The following SEMA3D variants were observed in gnomAD, a reference collection of about 807,000 sequenced individuals.
SEMA3D encodes semaphorin 3D, also known as semaphorin-3D.
Under a neutral mutation model 100.1 loss-of-function variants are expected in SEMA3D, and 84 were observed. The observed-to-expected ratio is 0.84, with a 90% CI of 0.70 to 1.01. The LOEUF is 1.01. Among genes scored for constraint, SEMA3D ranks in the 50% least tolerant of loss-of-function variants. SEMA3D has a pLI of 0.00. For synonymous variants in SEMA3D, 312 were observed against 320.7 expected, an observed-to-expected ratio of 0.97 and a Z score of 0.29; for missense variants, 875 against 934.1, an observed-to-expected ratio of 0.94 and a Z score of 0.82.
intron 1 of SEMA3D, among the ~76,000 whole-genome samples, chr7:85,168,855 AAGAAAG>A (rs1390184949): frequency 6.7e-6 from 1 of 148,574 alleles, no homozygotes; most frequent in Non-Finnish European, 1.5e-5. Context: ...GAAAGAAAGA[AAGAAAG>A]AAAGAAAGAA....
chr7:85,034,754 A>G (rs1457523808), intron 12 of SEMA3D, among the ~76,000 whole-genome samples: 1 of 152,152 alleles, frequency 6.6e-6, no homozygotes, highest in Non-Finnish European at 1.5e-5. Flanking sequence ...AAACAAAACC[A>G]CAATCAGGTA....
At chr7:85,107,797 T>C (rs1016393745) in intron 3 of SEMA3D, among the ~76,000 whole-genome samples, 2 of 152,054 alleles carry the variant, frequency 1.3e-5, no homozygotes, top group Non-Finnish European at 2.9e-5. Context: ...TAAAGCCTTA[T>C]AGATTTTATC....
chr7:85,042,138 C>G (rs1337247749), intron 10 of SEMA3D, 33 bp downstream of exon 10: 45 of 1,381,774 alleles, frequency 3.3e-5, no homozygotes, highest in Non-Finnish European at 4.3e-5. Context: ...GGCAGTAAGG[C>G]CTTTCCAAGA....
the SEMA3D span, among the ~76,000 whole-genome samples, chr7:85,231,399 G>C: frequency 2.3e-3 from 331 of 143,002 alleles, 3 homozygotes; most frequent in Non-Finnish European, 2.8e-3. Context: ...AATCATCATT[G>C]AATTATTCCA....
chr7:85,044,452 ATTTG>A (rs1000069554), intron 9 of SEMA3D, among the ~76,000 whole-genome samples: 2 of 152,128 alleles, frequency 1.3e-5, no homozygotes, highest in Admixed American at 6.6e-5. Context: ...TATTTTCTTT[ATTTG>A]TTCTTTAGGT....
chr7:85,159,996 C>A (rs576647714), intron 1 of SEMA3D: 3 of 981,170 alleles, frequency 3.1e-6, no homozygotes, highest in Admixed American at 6.1e-5. Flanking sequence ...ATATCTACCA[C>A]ATCTCTCCAT....
At chr7:85,167,056 A>G (rs576163790) in intron 1 of SEMA3D, among the ~76,000 whole-genome samples, 1 of 152,104 alleles carries the variant, frequency 6.6e-6, no homozygotes, top group Middle Eastern at 3.4e-3. Context: ...TATTGGCCTT[A>G]GAGAAATATC....
chr7:85,047,765 T>G (rs1225817717), intron 9 of SEMA3D, among the ~76,000 whole-genome samples: 1 of 151,864 alleles, frequency 6.6e-6, no homozygotes, highest in Non-Finnish European at 1.5e-5. Flanking sequence ...AGAAACTGGA[T>G]AATGACAAAG....
chr7:85,092,055 C>A (rs1395641545), intron 4 of SEMA3D, among the ~76,000 whole-genome samples: 1 of 151,972 alleles, frequency 6.6e-6, no homozygotes, highest in Admixed American at 6.6e-5. Flanking sequence ...ATATTTTTCC[C>A]CATTCGAACT....
chr7:85,149,499 A>G (rs1214083229), intron 2 of SEMA3D, among the ~76,000 whole-genome samples: 4 of 152,050 alleles, frequency 2.6e-5, no homozygotes, highest in Admixed American at 2.6e-4. Context: ...ACAAAAACCA[A>G]AAGTAACACT....
intron 3 of SEMA3D, among the ~76,000 whole-genome samples, chr7:85,115,470 C>T (rs573174622): frequency 1.5e-4 from 23 of 152,134 alleles, no homozygotes; most frequent in Non-Finnish European, 3.4e-4. Context: ...GCATTACCCA[C>T]GTTTGTCAAT....
intron 8 of SEMA3D, among the ~76,000 whole-genome samples, chr7:85,059,585 A>G (rs998467320): frequency 6.6e-6 from 1 of 152,214 alleles, no homozygotes; most frequent in Non-Finnish European, 1.5e-5. Context: ...AAAATAACAT[A>G]GTGGTACAAA....
the SEMA3D span, among the ~76,000 whole-genome samples, chr7:85,223,538 TTGTGTG>T: frequency 2.0e-5 from 3 of 148,766 alleles, no homozygotes; most frequent in Admixed American, 6.7e-5. Context: ...TATCATATAT[TTGTGTG>T]TGTGTGTGTG....
intron 2 of SEMA3D, among the ~76,000 whole-genome samples, chr7:85,136,120 G>A (rs1472711478): frequency 6.6e-6 from 1 of 152,108 alleles, no homozygotes; most frequent in Non-Finnish European, 1.5e-5. Context: ...TTGCTATCTT[G>A]GGTAAGAAAG....
chr7:85,007,238 G>A, intron 17 of SEMA3D, among the ~76,000 whole-genome samples: 1 of 151,244 alleles, frequency 6.6e-6, no homozygotes, highest in Non-Finnish European at 1.5e-5. Context: ...TTTTTTCTTT[G>A]AGCTGAATAA....
chr7:85,105,723 T>C (rs1022023237), intron 3 of SEMA3D, among the ~76,000 whole-genome samples: 27 of 152,098 alleles, frequency 1.8e-4, no homozygotes, highest in African/African-American at 6.3e-4. Flanking sequence ...CTCTTGCTTT[T>C]CTGTGATGGA....
At chr7:85,230,658 A>T in the SEMA3D span, among the ~76,000 whole-genome samples, 4 of 152,064 alleles carry the variant, frequency 2.6e-5, no homozygotes, top group African/African-American at 9.7e-5. Context: ...TTTGAATTTT[A>T]ATTTGTTAAT....
At chr7:85,106,479 T>C (rs566516600) in intron 3 of SEMA3D, among the ~76,000 whole-genome samples, 3 of 152,228 alleles carry the variant, frequency 2.0e-5, no homozygotes, top group African/African-American at 7.2e-5. Flanking sequence ...CAAAAAGTTA[T>C]GTGTGTAATA....
the SEMA3D span, among the ~76,000 whole-genome samples, chr7:85,194,548 T>C: frequency 9.9e-5 from 15 of 152,278 alleles, no homozygotes; most frequent in African/African-American, 3.1e-4. Flanking sequence ...CAGTCAATGA[T>C]TTTTCAGCCA....
Sources: allele counts gnomAD v4.1 joint callset (sites outside exome capture counted in the v4.1 genomes callset), GRCh38; gene constraint gnomAD v4.1.1; transcripts MANE v1.5; gene names NCBI Gene and HGNC (gene_info 2026-07-23, HGNC 2026-07-21).